The following HIBCH variants were observed in gnomAD, a reference collection of about 807,000 sequenced individuals.
The protein encoded by HIBCH is 3-hydroxyisobutyryl-CoA hydrolase, mitochondrial.
A neutral mutation model predicts 58.2 loss-of-function variants in HIBCH; 50 were observed. The ratio of observed to expected loss-of-function variants is 0.86; its 90% CI spans 0.68 to 1.09. HIBCH has a LOEUF of 1.09. Among genes scored for constraint, HIBCH ranks in the 50% least tolerant of loss-of-function variants. The probability of loss-of-function intolerance (pLI) is 0.00; values close to 1 mark genes in which losing one functional copy is unlikely to be tolerated. For synonymous variants in HIBCH, 151 were observed against 146.9 expected (o/e 1.03, Z -0.20); for missense variants, 450 against 449.7 (o/e 1.00, Z -0.01).
Position 190,208,863 on chromosome 2 carries a change from T to TC in HIBCH, c.1045+16dup. On this transcript the variant is annotated intron_variant, in intron 13 of 13. Transcript: ENST00000359678. ...ATCCCATTTCCCCAAAATGGTAAGTTCCCATTTGCCACTTACCAGCTCTAA... is the reference window on the plus strand; with the variant it reads ...ATCCCATTTCCCCAAAATGGTAAGTTCCCCATTTGCCACTTACCAGCTCTAA... The TC allele has an allele frequency of 6.2e-7, 1 of 1,609,296 alleles. No individual in the cohort carries two copies. Among genetic ancestry groups the TC allele is most frequent in the Non-Finnish European group, 8.5e-7 (1 of 1,175,702 alleles).
intron 9 of HIBCH, among the ~76,000 whole-genome samples, chr2:190,248,888 A>C (rs1453375916): frequency 1.3e-5 from 2 of 151,758 alleles, no homozygotes; most frequent in Non-Finnish European, 2.9e-5. Context: ...CAAAAAAAAA[A>C]CTTATAATAA....
chr2:190,309,222 A>G (rs1251438846), intron 2 of HIBCH, among the ~76,000 whole-genome samples: 1 of 152,198 alleles, frequency 6.6e-6, no homozygotes, highest in African/African-American at 2.4e-5. Context: ...GATTTTGCCA[A>G]TGTATTTACC....
chr2:190,196,265 AT>A (rs1235113390), intron 1 of HIBCH, among the ~76,000 whole-genome samples: 1 of 151,192 alleles, frequency 6.6e-6, no homozygotes, highest in East Asian at 1.9e-4. Flanking sequence ...TTTTCCCTCC[AT>A]TTTTCAGATT....
intron 11 of HIBCH, among the ~76,000 whole-genome samples, chr2:190,226,121 G>T (rs1023017579): frequency 8.5e-5 from 13 of 152,274 alleles, no homozygotes; most frequent in African/African-American, 2.9e-4. Context: ...AATAATCAGA[G>T]CTATTTATGA....
intron 6 of HIBCH, among the ~76,000 whole-genome samples, chr2:190,280,640 A>C (rs148139340): frequency 8.0e-5 from 1 of 12,514 alleles, no homozygotes; most frequent in South Asian, 3.3e-3. Flanking sequence ...AGCAAGGGGG[A>C]AAATGCCTCA....
At position 190,206,374 on chromosome 2, in the gene HIBCH, C is replaced by T. The variant is rs146116685; in HGVS notation, c.1046-1142G>A. ...GAACAACCCCGGCACATTTTTTCCA[C>T]AAGAATCTCTCTCACTCTAAGTCTT... On this transcript the variant is annotated intron_variant, in intron 13 of 13. Transcript: ENST00000359678. The surrounding 1 kb of genome is among the most constrained non-coding windows in gnomAD (Gnocchi z 5.1). 6.6e-6 allele frequency among the ~76,000 whole-genome samples: 1 copy of T among 152,350 alleles called. No individual in the cohort carries two copies. The highest frequency in any genetic ancestry group is 6.5e-5 in the Admixed American group (1 of 15,308).
At chr2:190,317,548 G>A (rs1419915786) in intron 1 of HIBCH, among the ~76,000 whole-genome samples, 1 of 152,186 alleles carries the variant, frequency 6.6e-6, no homozygotes, top group African/African-American at 2.4e-5. Flanking sequence ...ATAAGCAGAA[G>A]GGCACCTCTG....
Position 190,197,245 on chromosome 2 carries a change from CTTG to C in HIBCH, c.*18-7251_*18-7249del, listed in dbSNP as rs897894511. ...CCCTTTAAGAAAACACTTGCCAAAC[CTTG>C]TTTAGGGTATACTACTGATTCCTAA... On this transcript the variant is annotated intron_variant, in intron 1 of 1. Transcript: ENST00000399855. This position sits in a 1 kb window ranked among gnomAD's most constrained non-coding sequence, Gnocchi z 4.0. Among the ~76,000 whole-genome samples the C allele has an allele frequency of 4.6e-5, 7 of 152,266 alleles. No homozygotes were observed. Among genetic ancestry groups the C allele is most frequent in the Middle Eastern group, 3.4e-3 (1 of 294 alleles).
At chr2:190,229,289 G>A (rs1413576082) in intron 11 of HIBCH, among the ~76,000 whole-genome samples, 1 of 152,162 alleles carries the variant, frequency 6.6e-6, no homozygotes, top group East Asian at 1.9e-4. Flanking sequence ...TAGAGACAAT[G>A]AACAGCAAAT....
intron 6 of HIBCH, among the ~76,000 whole-genome samples, chr2:190,266,247 T>C (rs1021705392): frequency 1.3e-5 from 2 of 152,188 alleles, no homozygotes; most frequent in African/African-American, 2.4e-5. Context: ...GTTCATTAGG[T>C]CAAGCTTATT....
chr2:190,200,025 T>C (rs567668435), downstream of HIBCH: 2 of 1,614,078 alleles, frequency 1.2e-6, no homozygotes, highest in African/African-American at 2.7e-5. Flanking sequence ...CAGGGACCAA[T>C]ACTGTGATCT....
intron 3 of HIBCH, among the ~76,000 whole-genome samples, chr2:190,295,803 T>G (rs148295623): frequency 6.6e-6 from 1 of 152,190 alleles, no homozygotes; most frequent in East Asian, 1.9e-4. Context: ...AACAGAAACA[T>G]AAGAATGGAA....
At chr2:190,314,330 T>A (rs1559068406) in intron 1 of HIBCH, among the ~76,000 whole-genome samples, 1 of 1,688 alleles carries the variant, frequency 5.9e-4, no homozygotes. Context: ...TGTATATATG[T>A]ATATATACAT....
At chr2:190,261,257 G>C (rs1687081872) in intron 6 of HIBCH, 23 bp from the exon 7 acceptor site, 1 of 1,519,610 alleles carries the variant, frequency 6.6e-7, no homozygotes, top group African/African-American at 1.4e-5. Flanking sequence ...GGCAAAAAAA[G>C]AGGCGGGGGG....
intron 2 of HIBCH, among the ~76,000 whole-genome samples, chr2:190,298,771 G>A (rs563465090): frequency 9.5e-4 from 145 of 152,162 alleles, no homozygotes; most frequent in Non-Finnish European, 1.8e-3. Flanking sequence ...TGTCAATTTT[G>A]GCTTTTGTTG....
chr2:190,265,968 T>C (rs532556387), intron 6 of HIBCH, among the ~76,000 whole-genome samples: 2 of 152,318 alleles, frequency 1.3e-5, no homozygotes, highest in African/African-American at 4.8e-5. Context: ...GCTTTGATAT[T>C]TACTGTTTAC....
intron 2 of HIBCH, among the ~76,000 whole-genome samples, chr2:190,303,312 T>C (rs1688317952): frequency 6.6e-6 from 1 of 152,070 alleles, no homozygotes; most frequent in Non-Finnish European, 1.5e-5. Context: ...TAGATCTTGA[T>C]TTCCAAATGC....
In HIBCH at chr2:190,217,471, A is replaced by T. The variant is rs373272910; in HGVS notation, c.892-4396T>A. Among the ~76,000 whole-genome samples, 8 of 152,294 alleles carry T rather than the reference A, an allele frequency of 5.3e-5. No individual in the cohort carries two copies. In the East Asian group the frequency reaches 1.5e-3, roughly 29 times the overall value. Reference sequence around the variant, plus strand: ...GCACTCCAGCCTGGGCGACAGAACGAGATTCTGTCTTAAAACAAAAAAACA... The same window carrying T: ...GCACTCCAGCCTGGGCGACAGAACGTGATTCTGTCTTAAAACAAAAAAACA... On this transcript the variant is annotated intron_variant, in intron 11 of 13. Coordinates refer to ENST00000359678, the MANE Select transcript of HIBCH (RefSeq NM_014362.4). The surrounding 1 kb of genome is among the most constrained non-coding windows in gnomAD (Gnocchi z 4.6).
intron 11 of HIBCH, among the ~76,000 whole-genome samples, chr2:190,220,778 A>G (rs1183120871): frequency 6.6e-6 from 1 of 151,994 alleles, no homozygotes; most frequent in Admixed American, 6.6e-5. Context: ...CCTTAGGTGA[A>G]AACCTGGAAG....
Sources: allele counts gnomAD v4.1 joint callset (sites outside exome capture counted in the v4.1 genomes callset), GRCh38; gene constraint gnomAD v4.1.1; non-coding constraint Gnocchi (gnomAD v3.1); transcripts MANE v1.5; gene names NCBI Gene and HGNC (gene_info 2026-07-23, HGNC 2026-07-21).